LYPD6: variants seen among roughly 807,000 people sequenced by gnomAD.
The protein encoded by LYPD6 is LY6/PLAUR domain containing 6.
Under a neutral mutation model 22.7 loss-of-function variants are expected in LYPD6, and 15 were observed. The ratio of observed to expected loss-of-function variants is 0.66; its 90% CI spans 0.44 to 1.02. The LOEUF is 1.02. Ranked by LOEUF, LYPD6 falls within the 50% of genes least tolerant of loss-of-function variation. The pLI is 0.00. For synonymous variants in LYPD6, 72 were observed against 77.5 expected (o/e 0.93, Z 0.37); for missense variants, 189 against 208.4 (o/e 0.91, Z 0.57).
chr2:149,336,051 T>G (rs576273966), intron 1 of LYPD6, among the ~76,000 whole-genome samples: 1 of 152,220 alleles, frequency 6.6e-6, no homozygotes, highest in African/African-American at 2.4e-5. Flanking sequence ...TATATTTTAA[T>G]GTTTCAGAAA....
At chr2:149,412,024 C>G (rs1682861540) in intron 1 of LYPD6, among the ~76,000 whole-genome samples, 1 of 152,082 alleles carries the variant, frequency 6.6e-6, no homozygotes, top group Non-Finnish European at 1.5e-5. Context: ...ATAAACCTAC[C>G]TCCTATTATC....
chr2:149,424,686 G>A (rs1350220444), intron 1 of LYPD6, among the ~76,000 whole-genome samples: 1 of 152,164 alleles, frequency 6.6e-6, no homozygotes, highest in African/African-American at 2.4e-5. Context: ...GGAAACCAAG[G>A]ATGACAGCAG....
chr2:149,458,434 A>G (rs1017579665), intron 3 of LYPD6, among the ~76,000 whole-genome samples: 1 of 152,180 alleles, frequency 6.6e-6, no homozygotes, highest in Non-Finnish European at 1.5e-5. Context: ...TGGCATTAGT[A>G]GAGGCTACAT....
chr2:149,353,562 T>C (rs751536699), intron 1 of LYPD6, among the ~76,000 whole-genome samples: 96 of 152,196 alleles, frequency 6.3e-4, no homozygotes, highest in Non-Finnish European at 1.2e-3. Flanking sequence ...ACCTGTGATA[T>C]ATACTATGGA....
intron 1 of LYPD6, among the ~76,000 whole-genome samples, chr2:149,381,039 C>T (rs1273696565): frequency 2.0e-5 from 3 of 152,054 alleles, no homozygotes; most frequent in African/African-American, 7.2e-5. Flanking sequence ...TATTGAGCAC[C>T]GTGGACATCA....
At chr2:149,404,453 C>G (rs762731721) in intron 1 of LYPD6, among the ~76,000 whole-genome samples, 42 of 152,104 alleles carry the variant, frequency 2.8e-4, no homozygotes, top group Non-Finnish European at 1.0e-4. Context: ...CTTCACATCC[C>G]TTGTAAGTTG....
chr2:149,476,879 G>A (rs1174159244), downstream of LYPD6, among the ~76,000 whole-genome samples: 1 of 152,134 alleles, frequency 6.6e-6, no homozygotes, highest in African/African-American at 2.4e-5. Flanking sequence ...CCTGACCCTA[G>A]CTTCTCCCAG....
In LYPD6 at chr2:149,468,182, C is replaced by CACACACACACAT. The variant is rs1344504517; in HGVS notation, c.218-457_218-456insACACATACACAC. On this transcript the variant is annotated intron_variant, in intron 3 of 4. Transcript: ENST00000334166. ...ACACACACACACACACACACACACA[C>CACACACACACAT]ACACACCAGCCACTGCTGTAGTGTT... Among the ~76,000 whole-genome samples, 24 of 147,290 alleles carry CACACACACACAT rather than the reference C, an allele frequency of 1.6e-4. 1 individual carries two copies. The highest frequency in any genetic ancestry group is 5.0e-4 in the African/African-American group (20 of 39,724).
intron 1 of LYPD6, among the ~76,000 whole-genome samples, chr2:149,381,334 C>T (rs922907874): frequency 1.3e-5 from 2 of 151,946 alleles, no homozygotes; most frequent in Admixed American, 6.6e-5. Context: ...AGTTAAGATA[C>T]GGAGGGGAGA....
intron 1 of LYPD6, among the ~76,000 whole-genome samples, chr2:149,369,368 T>G (rs1190476637): frequency 6.6e-6 from 1 of 152,114 alleles, no homozygotes; most frequent in East Asian, 1.9e-4. Flanking sequence ...CCTTTTTCTG[T>G]CTAAAAACCA....
intron 3 of LYPD6, 108 bp from the exon 4 acceptor site, chr2:149,468,537 G>A (rs1314888530): frequency 3.2e-6 from 4 of 1,269,652 alleles, no homozygotes; most frequent in Non-Finnish European, 4.4e-6. Context: ...CACATCTTAT[G>A]TGCTATTAGC....
chr2:149,438,530 G>C (rs976468225), intron 2 of LYPD6, among the ~76,000 whole-genome samples: 3 of 152,222 alleles, frequency 2.0e-5, no homozygotes, highest in Non-Finnish European at 4.4e-5. Context: ...CTGTTGAGGT[G>C]AGAGCTGGTT....
In LYPD6 at chr2:149,473,791, C is replaced by T. The variant is rs1239290807; in HGVS notation, c.*2941C>T. The stretch of plus-strand genomic sequence containing the variant: ...ATGAGAAGATACAAGACAATTCACC[C>T]ATGCCAAATGATTCATACAGGCTGT... On this transcript the variant is annotated 3_prime_UTR_variant, in exon 5 of 5. Coordinates refer to ENST00000334166, the MANE Select transcript of LYPD6 (RefSeq NM_194317.5). The T allele has an allele frequency of 2.6e-5, 4 of 152,284 alleles. No homozygotes were observed. In the East Asian group the frequency reaches 7.7e-4, roughly 29 times the overall value. 9.4% of individuals were successfully genotyped at this position (152,284 alleles called of 1,614,324 possible). A position where few individuals can be genotyped will look rare whatever the true frequency, so the allele number is the denominator to read the frequency against.
At chr2:149,443,258 C>T (rs1004176495) in intron 2 of LYPD6, among the ~76,000 whole-genome samples, 5 of 152,122 alleles carry the variant, frequency 3.3e-5, no homozygotes, top group Non-Finnish European at 4.4e-5. Context: ...GTAGCTGGAT[C>T]GTCAATCTTC....
At chr2:149,334,641 C>T (rs1681000577) in intron 1 of LYPD6, among the ~76,000 whole-genome samples, 1 of 152,044 alleles carries the variant, frequency 6.6e-6, no homozygotes, top group South Asian at 2.1e-4. Context: ...TCCTTGGGGG[C>T]TCCAGTCAGG....
At chr2:149,445,732 T>A (rs1683672677) in intron 2 of LYPD6, among the ~76,000 whole-genome samples, 1 of 152,238 alleles carries the variant, frequency 6.6e-6, no homozygotes, top group Non-Finnish European at 1.5e-5. Context: ...TTTAAGGGAA[T>A]GCTGTGGCTG....
At chr2:149,438,153 G>A (rs1329739567) in intron 2 of LYPD6, among the ~76,000 whole-genome samples, 1 of 152,212 alleles carries the variant, frequency 6.6e-6, no homozygotes, top group Admixed American at 6.5e-5. Flanking sequence ...AGGATTGTTT[G>A]TAAAAGATCA....
chr2:149,360,148 T>C (rs1406649735), intron 1 of LYPD6, among the ~76,000 whole-genome samples: 1 of 152,202 alleles, frequency 6.6e-6, no homozygotes, highest in Non-Finnish European at 1.5e-5. Context: ...GTTGGAAGTG[T>C]CTTTTAGCAT....
chr2:149,437,664 G>GTA lies in LYPD6; in HGVS notation c.-44_-43insAT, dbSNP rs1683462815. 2 of 1,607,000 alleles carry GTA rather than the reference G, an allele frequency of 1.2e-6. No homozygotes were observed. Among genetic ancestry groups the GTA allele is most frequent in the Non-Finnish European group, 1.7e-6 (2 of 1,175,626 alleles). On this transcript the variant is annotated 5_prime_UTR_variant, in exon 2 of 5. In the 5' UTR this introduces an upstream ATG that the reference lacks. Coordinates refer to ENST00000334166, the MANE Select transcript of LYPD6 (RefSeq NM_194317.5). ...TGCAAGTTCTCTCCTGTTGCCCTGA[G>GTA]TGCCCACTCCCAGGCCCTCTGTATG... is the stretch of plus-strand genomic sequence containing the variant.
Sources: gnomAD v4.1 joint callset for allele counts (sites outside exome capture counted in the v4.1 genomes callset) on GRCh38, gnomAD v4.1.1 for gene constraint, MANE v1.5 for transcripts, NCBI Gene and HGNC (gene_info 2026-07-23, HGNC 2026-07-21) for gene names.